The following ASIC2 variants were observed in gnomAD, a reference collection of about 807,000 sequenced individuals.
ASIC2 encodes acid sensing ion channel subunit 2, also known as acid-sensing ion channel 2.
A neutral mutation model predicts 57.3 loss-of-function variants in ASIC2; 25 were observed. The observed-to-expected ratio is 0.44, with a 90% CI of 0.32 to 0.61. The LOEUF is 0.61. ASIC2 is among the 20% of genes least tolerant of loss of function. The probability of loss-of-function intolerance (pLI) is 0.06; values close to 1 mark genes in which losing one functional copy is unlikely to be tolerated. For synonymous variants in ASIC2, 319 were observed against 307.5 expected (o/e 1.04, Z -0.39); for missense variants, 641 against 738.1 (o/e 0.87, Z 1.52).
chr17:33,435,955 C>A (rs550761832), intron 1 of ASIC2, among the ~76,000 whole-genome samples: 1 of 152,238 alleles, frequency 6.6e-6, no homozygotes, highest in Admixed American at 6.5e-5. Flanking sequence ...TAGCAAAACC[C>A]GGGAGAAATC....
chr17:33,594,486 G>A (rs1904920130), intron 1 of ASIC2, among the ~76,000 whole-genome samples: 3 of 152,166 alleles, frequency 2.0e-5, no homozygotes, highest in Non-Finnish European at 4.4e-5. Context: ...GCACATTTAT[G>A]CTCACTATCT....
intron 1 of ASIC2, among the ~76,000 whole-genome samples, chr17:33,169,414 T>G (rs1376500197): frequency 1.3e-5 from 2 of 152,196 alleles, no homozygotes; most frequent in Non-Finnish European, 2.9e-5. Context: ...CACTCAGAGA[T>G]TCGCTGTGAA....
intron 1 of ASIC2, among the ~76,000 whole-genome samples, chr17:34,120,722 C>CTTTTTTTTTTTTTTTT (rs142959293): frequency 4.2e-5 from 4 of 94,624 alleles, no homozygotes; most frequent in Non-Finnish European, 3.9e-5. Flanking sequence ...TGGGGTCCTT[C>CTTTTTTTTTTTTTTTT]TTTTTTTTTT....
chr17:33,933,327 G>A (rs1915986077), intron 1 of ASIC2, among the ~76,000 whole-genome samples: 1 of 152,180 alleles, frequency 6.6e-6, no homozygotes, highest in Admixed American at 6.5e-5. Context: ...CCCTGACATT[G>A]AATTGCATGT....
chr17:33,843,308 C>A (rs746926011), intron 1 of ASIC2, among the ~76,000 whole-genome samples: 10 of 152,158 alleles, frequency 6.6e-5, no homozygotes, highest in Non-Finnish European at 1.5e-4. Flanking sequence ...AAGGAAGGGA[C>A]TCCATCACCG....
rs367799127 is a variant in ASIC2, at chr17:33,905,703, C to T, written c.555+250275G>A. On this transcript the variant is annotated intron_variant, in intron 1 of 9. Coordinates refer to the ASIC2 transcript ENST00000359872. ...AGTTGTCACTGGTATGTCCTGAAGC[C>T]GTTCCTCACCCTGCTGGGGCAGGGA... Among the ~76,000 whole-genome samples, 6 of 152,310 alleles carry T rather than the reference C, an allele frequency of 3.9e-5. No individual in the cohort carries two copies. The South Asian group carries it at 6.2e-4, about 16-fold the overall frequency.
chr17:33,483,856 G>C (rs903732237), intron 1 of ASIC2, among the ~76,000 whole-genome samples: 2 of 152,190 alleles, frequency 1.3e-5, no homozygotes, highest in Non-Finnish European at 2.9e-5. Context: ...GCCCTTGCAG[G>C]TGTCATTACA....
At chr17:33,222,579 AGC>A (rs915048489) in intron 1 of ASIC2, among the ~76,000 whole-genome samples, 1 of 152,210 alleles carries the variant, frequency 6.6e-6, no homozygotes, top group Admixed American at 6.5e-5. Context: ...ATCTCAATAA[AGC>A]TTCCTTAAAA....
chr17:33,444,700 C>T (rs1911951419), intron 1 of ASIC2, among the ~76,000 whole-genome samples: 1 of 152,082 alleles, frequency 6.6e-6, no homozygotes, highest in Non-Finnish European at 1.5e-5. Flanking sequence ...CGGTAGGAGC[C>T]ACGTGCACTG....
chr17:33,119,548 G>T (rs1360161055), intron 1 of ASIC2, among the ~76,000 whole-genome samples: 2 of 152,206 alleles, frequency 1.3e-5, no homozygotes, highest in Non-Finnish European at 2.9e-5. Flanking sequence ...TCAATTAAAT[G>T]AAGCCAGAGG....
At chr17:33,698,650 T>C (rs1908603630) in intron 1 of ASIC2, among the ~76,000 whole-genome samples, 2 of 152,190 alleles carry the variant, frequency 1.3e-5, no homozygotes, top group South Asian at 4.2e-4. Context: ...CTTGCCAGCC[T>C]GCCACATGGG....
rs545888833 is a variant in ASIC2 at position 33,148,142 on chromosome 17, G to A, written c.709-36075C>T. The stretch of plus-strand genomic sequence containing the variant: ...ATATAATAGGAGCACAGTTAGCAAG[G>A]TGCTTCACACCTTCTGTGCCGTTTC... On this transcript the variant is annotated intron_variant, in intron 1 of 9. Coordinates refer to ENST00000225823, the MANE Select transcript of ASIC2 (RefSeq NM_183377.2). 3.3e-5 allele frequency among the ~76,000 whole-genome samples: 5 copies of A among 152,330 alleles called. No homozygotes were observed. The South Asian group carries it at 6.2e-4, about 19-fold the overall frequency.
chr17:33,332,923 C>T (rs926100633), intron 1 of ASIC2, among the ~76,000 whole-genome samples: 3 of 152,142 alleles, frequency 2.0e-5, no homozygotes, highest in African/African-American at 7.2e-5. Flanking sequence ...AACAAAGTCT[C>T]AGATTCATAC....
chr17:33,028,143 C>T (rs865941999), intron 4 of ASIC2, 99 bp downstream of exon 4: 1 of 1,456,136 alleles, frequency 6.9e-7, no homozygotes, highest in Non-Finnish European at 9.3e-7. Flanking sequence ...CTTTTGGATC[C>T]CAGCGAAGTG....
At chr17:33,618,443 T>A (rs1205693106) in intron 1 of ASIC2, among the ~76,000 whole-genome samples, 1 of 152,088 alleles carries the variant, frequency 6.6e-6, no homozygotes, top group East Asian at 1.9e-4. Context: ...GTCTGTTGAA[T>A]TAGTAGAGAA....
chr17:33,497,764 A>G (rs955057612), intron 1 of ASIC2, among the ~76,000 whole-genome samples: 1 of 152,194 alleles, frequency 6.6e-6, no homozygotes, highest in Non-Finnish European at 1.5e-5. Context: ...TTCAGATAAA[A>G]AAAAGGAGGC....
At chr17:33,973,599 T>G (rs902558) in intron 1 of ASIC2, among the ~76,000 whole-genome samples, 2 of 152,166 alleles carry the variant, frequency 1.3e-5, no homozygotes, top group African/African-American at 4.8e-5. Context: ...CGCAGCTCTC[T>G]CTCTACTCTG....
chr17:34,087,498 T>G (rs1296378247), intron 1 of ASIC2, among the ~76,000 whole-genome samples: 2 of 152,238 alleles, frequency 1.3e-5, no homozygotes, highest in African/African-American at 2.4e-5. Flanking sequence ...CAACTTTGGT[T>G]CATCTGACAA....
intron 1 of ASIC2, among the ~76,000 whole-genome samples, chr17:33,447,235 G>C (rs563520049): frequency 1.3e-5 from 2 of 152,086 alleles, no homozygotes; most frequent in African/African-American, 4.8e-5. Flanking sequence ...GTGGGTGGCC[G>C]GACCTGATGG....
Sources: allele counts gnomAD v4.1 joint callset (sites outside exome capture counted in the v4.1 genomes callset), GRCh38; gene constraint gnomAD v4.1.1; transcripts MANE v1.5; gene names NCBI Gene and HGNC (gene_info 2026-07-23, HGNC 2026-07-21).